Variants in RAB28 observed in about 807,000 individuals in gnomAD.
RAB28 encodes the protein RAB28, member RAS oncogene family, also known as ras-related protein Rab-28.
Under a neutral mutation model 31.7 loss-of-function variants are expected in RAB28, and 24 were observed. The ratio of observed to expected loss-of-function variants is 0.76; its 90% confidence interval spans 0.55 to 1.06. The LOEUF is 1.06. Among genes scored for constraint, RAB28 ranks in the 50% least tolerant of loss-of-function variants. The probability of loss-of-function intolerance (pLI) is 0.00; values close to 1 mark genes in which losing one functional copy is unlikely to be tolerated. For synonymous variants in RAB28, 100 were observed against 90.4 expected, an observed-to-expected ratio of 1.11 and a Z score of -0.60; for missense variants, 254 against 258.5, an observed-to-expected ratio of 0.98 and a Z score of 0.12.
chr4:13,430,423 AG>A (rs376580778), intron 4 of RAB28, among the ~76,000 whole-genome samples: 485 of 152,292 alleles, frequency 3.2e-3, no homozygotes, highest in African/African-American at 9.0e-3. Flanking sequence ...TCCCATGGAA[AG>A]GGTAGGTGGG....
intron 4 of RAB28, among the ~76,000 whole-genome samples, chr4:13,416,673 G>A (rs964905310): frequency 6.6e-6 from 1 of 152,152 alleles, no homozygotes; most frequent in African/African-American, 2.4e-5. Context: ...CAAACTTTCT[G>A]AAGTAATGGT....
At chr4:13,392,937 GAATA>G (rs1729704748) in intron 4 of RAB28, among the ~76,000 whole-genome samples, 1 of 152,096 alleles carries the variant, frequency 6.6e-6, no homozygotes, top group African/African-American at 2.4e-5. Flanking sequence ...TGGATAAGAT[GAATA>G]AATACACAAA....
intron 3 of RAB28, among the ~76,000 whole-genome samples, chr4:13,470,988 C>T (rs921109498): frequency 1.3e-5 from 2 of 152,074 alleles, no homozygotes; most frequent in Non-Finnish European, 2.9e-5. Flanking sequence ...TAAGCTTCTA[C>T]GCAGATGTTA....
intron 4 of RAB28, among the ~76,000 whole-genome samples, chr4:13,450,673 C>G (rs1714922874): frequency 1.3e-5 from 2 of 151,728 alleles, no homozygotes; most frequent in African/African-American, 4.8e-5. Flanking sequence ...TAAGAATATG[C>G]AGATAACTGA....
chr4:13,463,771 T>C (rs1192328625), intron 3 of RAB28, among the ~76,000 whole-genome samples: 1 of 152,166 alleles, frequency 6.6e-6, no homozygotes, highest in Non-Finnish European at 1.5e-5. Flanking sequence ...TATTTTTCCT[T>C]GTTCTTGCCA....
chr4:13,420,280 A>G (rs949706017), intron 4 of RAB28, among the ~76,000 whole-genome samples: 2 of 152,172 alleles, frequency 1.3e-5, no homozygotes, highest in Non-Finnish European at 2.9e-5. Flanking sequence ...CTACCAACCA[A>G]AAAAAGGCCA....
chr4:13,407,603 T>C (rs977717069), intron 4 of RAB28, among the ~76,000 whole-genome samples: 1 of 152,228 alleles, frequency 6.6e-6, no homozygotes, highest in Admixed American at 6.5e-5. Context: ...TTGGGCGATA[T>C]GGCCACTTTC....
intron 4 of RAB28, chr4:13,459,777 A>G (rs1343620296): frequency 2.6e-6 from 3 of 1,165,920 alleles, no homozygotes; most frequent in Admixed American, 3.4e-5. Flanking sequence ...TAAAATTCCA[A>G]TGTAGACACT....
At chr4:13,411,590 G>A (rs1016425935) in intron 4 of RAB28, among the ~76,000 whole-genome samples, 5 of 152,128 alleles carry the variant, frequency 3.3e-5, no homozygotes, top group Admixed American at 6.5e-5. Context: ...TGTTGCTAGG[G>A]AAATTCCAAA....
intron 4 of RAB28, among the ~76,000 whole-genome samples, chr4:13,452,462 T>C (rs901076217): frequency 6.6e-6 from 1 of 152,054 alleles, no homozygotes; most frequent in Non-Finnish European, 1.5e-5. Flanking sequence ...TTTTTGTATA[T>C]TGTGTTCCTA....
intron 3 of RAB28, among the ~76,000 whole-genome samples, chr4:13,466,719 G>C (rs1036409250): frequency 2.6e-5 from 4 of 151,850 alleles, no homozygotes; most frequent in African/African-American, 9.7e-5. Context: ...TTGTCAAAGA[G>C]GTTTTTGCAC....
At chr4:13,455,431 C>T (rs1426782529) in intron 4 of RAB28, among the ~76,000 whole-genome samples, 2 of 152,154 alleles carry the variant, frequency 1.3e-5, no homozygotes, top group East Asian at 1.9e-4. Flanking sequence ...GAGTCACAGC[C>T]GATCATGGGC....
chr4:13,389,309 G>GA (rs1174719996), intron 4 of RAB28, among the ~76,000 whole-genome samples: 1 of 151,968 alleles, frequency 6.6e-6, no homozygotes, highest in East Asian at 1.9e-4. Context: ...GTAGGCAGAG[G>GA]AAAAAAGAAG....
chr4:13,408,706 C>CAA (rs1366022575), intron 4 of RAB28, among the ~76,000 whole-genome samples: 1 of 151,992 alleles, frequency 6.6e-6, no homozygotes, highest in African/African-American at 2.4e-5. Flanking sequence ...GTATGAGATG[C>CAA]AAGTATGAGT....
intron 4 of RAB28, among the ~76,000 whole-genome samples, chr4:13,425,509 A>G (rs1487543307): frequency 6.6e-6 from 1 of 152,160 alleles, no homozygotes; most frequent in Non-Finnish European, 1.5e-5. Context: ...AGCATCATGA[A>G]AAGGACTCAA....
intron 4 of RAB28, among the ~76,000 whole-genome samples, chr4:13,395,891 G>C (rs1729855040): frequency 6.6e-6 from 1 of 151,920 alleles, no homozygotes; most frequent in Non-Finnish European, 1.5e-5. Flanking sequence ...TTTCCAACAT[G>C]CTGTAAGAAC....
Position 13,484,209 on chromosome 4 carries a change from T to A in RAB28, c.-59A>T. 7.6e-7 allele frequency: 1 copy of A among 1,311,382 alleles called. No individual in the cohort carries two copies. The highest frequency in any genetic ancestry group is 1.1e-6 in the Non-Finnish European group (1 of 932,426). 81.2% of individuals were successfully genotyped at this position (1,311,382 alleles called of 1,614,324 possible). A position where few individuals can be genotyped will look rare whatever the true frequency, so the allele number is the denominator to read the frequency against. ...GGGGGGGGAAGGGAAGGATGAAGGC[T>A]CCGGGGGCGGGGGAGAGGAGGAAGG... On this transcript the variant is annotated 5_prime_UTR_variant, in exon 1 of 7. Coordinates refer to ENST00000330852, the MANE Select transcript of RAB28 (RefSeq NM_001017979.3).
At chr4:13,449,427 T>C (rs1714854654) in intron 4 of RAB28, among the ~76,000 whole-genome samples, 1 of 151,962 alleles carries the variant, frequency 6.6e-6, no homozygotes, top group South Asian at 2.1e-4. Context: ...GATAATTGTA[T>C]TGAGACCATA....
chr4:13,460,250 C>G (rs1715523984), intron 4 of RAB28, among the ~76,000 whole-genome samples: 1 of 152,186 alleles, frequency 6.6e-6, no homozygotes, highest in African/African-American at 2.4e-5. Flanking sequence ...AGTCCAAGAT[C>G]AAGGTACTGA....
Sources: gnomAD v4.1 joint callset for allele counts (sites outside exome capture counted in the v4.1 genomes callset) on GRCh38, gnomAD v4.1.1 for gene constraint, MANE v1.5 for transcripts, NCBI Gene and HGNC (gene_info 2026-07-23, HGNC 2026-07-21) for gene names.